Variants in ZNF469 observed in about 807,000 individuals in gnomAD.
The protein encoded by ZNF469 is zinc finger protein 469.
ZNF469 carries 1 observed loss-of-function variant against 1.0 expected under a neutral mutation model. That is an observed-to-expected ratio of 1.00 (90% CI 0.35 to 4.73). ZNF469 has a LOEUF of 4.73. ZNF469 is among the 30% of genes most tolerant of loss of function. The pLI, the probability that ZNF469 is intolerant of heterozygous loss-of-function variation, is 0.16. For synonymous variants in ZNF469, 2,703 were observed against 2,363.4 expected, an observed-to-expected ratio of 1.14 and a Z score of -4.17; for missense variants, 6,100 against 5,356.3, an observed-to-expected ratio of 1.14 and a Z score of -4.33.
At chr16:88,239,511 C>T in the ZNF469 span, among the ~76,000 whole-genome samples, 4 of 145,388 alleles carry the variant, frequency 2.8e-5, no homozygotes, top group East Asian at 6.1e-4. Flanking sequence ...TTTTTTGAGA[C>T]GGAGTCTCGC....
intron 1 of ZNF469, among the ~76,000 whole-genome samples, chr16:88,422,995 A>G (rs546934591): frequency 7.8e-5 from 11 of 140,330 alleles, no homozygotes; most frequent in Admixed American, 2.1e-4. Flanking sequence ...ATGGATGGAT[A>G]GATGGATCAA....
At chr16:88,196,156 G>A in the ZNF469 span, among the ~76,000 whole-genome samples, 1 of 152,222 alleles carries the variant, frequency 6.6e-6, no homozygotes, top group African/African-American at 2.4e-5. Context: ...AGAGAGGCAT[G>A]GCTTGCCCGA....
chr16:88,187,441 C>G, the ZNF469 span, among the ~76,000 whole-genome samples: 3 of 152,214 alleles, frequency 2.0e-5, no homozygotes, highest in African/African-American at 7.2e-5. Flanking sequence ...GGCTCCTAAA[C>G]GCAACATCTC....
At chr16:88,133,129 C>T in the ZNF469 span, among the ~76,000 whole-genome samples, 1 of 152,254 alleles carries the variant, frequency 6.6e-6, no homozygotes, top group South Asian at 2.1e-4. Context: ...ATCAACATCA[C>T]CCACCAGCTG....
chr16:88,169,908 C>T, the ZNF469 span, among the ~76,000 whole-genome samples: 6 of 152,228 alleles, frequency 3.9e-5, no homozygotes, highest in Non-Finnish European at 7.3e-5. The surrounding 1 kb of genome is among the most constrained non-coding windows in gnomAD (Gnocchi z 6.1). Context: ...GGTGCAGTGG[C>T]ACCTGGCTGG....
At chr16:88,349,741 A>ACTATACACACCTTACACCCCACACATG in the ZNF469 span, among the ~76,000 whole-genome samples, 1 of 146,618 alleles carries the variant, frequency 6.8e-6, no homozygotes, top group African/African-American at 2.5e-5. Context: ...CACACCACAC[A>ACTATACACACCTTACACCCCACACATG]CAAGTGCACA....
At chr16:88,345,195 A>G in the ZNF469 span, among the ~76,000 whole-genome samples, 2 of 152,144 alleles carry the variant, frequency 1.3e-5, no homozygotes, top group Non-Finnish European at 2.9e-5. Context: ...CAGATGCTCC[A>G]TTTCCATCCT....
At chr16:88,423,553 T>A (rs912472537) in intron 1 of ZNF469, among the ~76,000 whole-genome samples, 1 of 152,176 alleles carries the variant, frequency 6.6e-6, no homozygotes, top group Non-Finnish European at 1.5e-5. Context: ...AAACCTTTAT[T>A]ATCTCTTAGT....
chr16:88,333,969 T>G, the ZNF469 span, among the ~76,000 whole-genome samples: 1 of 151,782 alleles, frequency 6.6e-6, no homozygotes, highest in Admixed American at 6.6e-5. Flanking sequence ...TGTGTGTCTG[T>G]GTGCATCTGT....
At chr16:88,173,175 A>G in the ZNF469 span, among the ~76,000 whole-genome samples, 1 of 152,216 alleles carries the variant, frequency 6.6e-6, no homozygotes, top group Non-Finnish European at 1.5e-5. Context: ...TGTTATAAAC[A>G]AATTTCTGAA....
chr16:88,274,082 C>A, the ZNF469 span, among the ~76,000 whole-genome samples: 6 of 152,332 alleles, frequency 3.9e-5, no homozygotes, highest in East Asian at 1.2e-3. Context: ...GGATTACAGG[C>A]GTGAGCCACC....
rs906063111 is a variant in ZNF469, at chr16:88,436,018, C to T, written c.8548C>T (p.Pro2850Ser). ...CTCTGGCTCCAGTGCCAAGGATCCTCCAAGCTTGTTTGATGATGAGGTCTC... is the reference window on the plus strand; with the variant it reads ...CTCTGGCTCCAGTGCCAAGGATCCTTCAAGCTTGTTTGATGATGAGGTCTC... The part of the protein sequence containing the change: ...DASGSSAKDP[P>S]SLFDDEVSFS... The change falls in exon 3 of 3, where the codon CCA becomes TCA. Residue 2850 changes from proline to serine, a missense_variant. Physicochemically the swap from Pro to Ser is moderately conservative, Grantham distance 74. Transcript: ENST00000565624. 1.4e-4 allele frequency: 212 copies of T among 1,550,180 alleles called. No individual in the cohort carries two copies. Among genetic ancestry groups the T allele is most frequent in the Non-Finnish European group, 1.6e-4 (186 of 1,147,008 alleles).
the ZNF469 span, among the ~76,000 whole-genome samples, chr16:88,229,063 G>A: frequency 6.6e-6 from 1 of 152,130 alleles, no homozygotes; most frequent in Admixed American, 6.5e-5. Flanking sequence ...TCACCTCCCC[G>A]GGACTGCAGA....
At chr16:88,380,945 G>GACATGCACTCAC (rs2092521406), upstream of ZNF469, among the ~76,000 whole-genome samples, 2 of 70,024 alleles carry the variant, frequency 2.9e-5, no homozygotes, top group African/African-American at 1.3e-4. Flanking sequence ...CTCACACACA[G>GACATGCACTCAC]ACACGCCCTC....
the ZNF469 span, among the ~76,000 whole-genome samples, chr16:88,171,356 G>C: frequency 6.6e-6 from 1 of 152,186 alleles, no homozygotes; most frequent in Non-Finnish European, 1.5e-5. Context: ...GGAACACCTG[G>C]AGTTCTGTGG....
chr16:88,314,521 A>G, the ZNF469 span, among the ~76,000 whole-genome samples: 22 of 111,406 alleles, frequency 2.0e-4, no homozygotes, highest in Middle Eastern at 7.1e-3. Flanking sequence ...ATGCTGGTGT[A>G]GAATATCTCT....
chr16:88,322,212 C>G, the ZNF469 span, among the ~76,000 whole-genome samples: 1 of 152,230 alleles, frequency 6.6e-6, no homozygotes, highest in Non-Finnish European at 1.5e-5. Flanking sequence ...GTGTCAGAGC[C>G]GGGGGCGCTT....
the ZNF469 span, among the ~76,000 whole-genome samples, chr16:88,375,840 C>T: frequency 9.2e-5 from 14 of 152,196 alleles, no homozygotes; most frequent in Admixed American, 2.6e-4. Context: ...TCAGAAGGAA[C>T]GACTGGGCTC....
chr16:88,290,284 T>C, the ZNF469 span, among the ~76,000 whole-genome samples: 1 of 152,254 alleles, frequency 6.6e-6, no homozygotes, highest in East Asian at 1.9e-4. Flanking sequence ...GCCCTTGATC[T>C]CAAAGTTGTC....
Sources: gnomAD v4.1 joint callset for allele counts (sites outside exome capture counted in the v4.1 genomes callset) on GRCh38, gnomAD v4.1.1 for gene constraint, Gnocchi (gnomAD v3.1) non-coding constraint, MANE v1.5 for transcripts, NCBI Gene and HGNC (gene_info 2026-07-23, HGNC 2026-07-21) for gene names.